Variants in CORO2B observed in about 807,000 individuals in gnomAD.
CORO2B encodes coronin-2B.
CORO2B carries 26 observed loss-of-function variants against 58.8 expected under a neutral mutation model. That is an observed-to-expected ratio of 0.44 (90% CI 0.32 to 0.61). CORO2B has a LOEUF of 0.61. CORO2B is among the 20% of genes least tolerant of loss of function. The pLI is 0.04. For synonymous variants in CORO2B, 242 were observed against 253.8 expected (o/e 0.95, Z 0.44); for missense variants, 460 against 645.1 (o/e 0.71, Z 3.11).
chr15:68,544,538 C>T, the CORO2B span, among the ~76,000 whole-genome samples: 6 of 152,190 alleles, frequency 3.9e-5, no homozygotes. Flanking sequence ...CTGCACCTTC[C>T]AGGATAAGAA....
rs1893330627 is a variant in CORO2B, at chr15:68,727,429, T to C, written c.*1455T>C. On this transcript the variant is annotated 3_prime_UTR_variant, in exon 12 of 12. Coordinates refer to ENST00000261861, the MANE Select transcript of CORO2B (RefSeq NM_006091.5). ...AACACTGTTCTCAGAAGAGTCACAG[T>C]TTGGGGTGAGATCTGGAAATCAAGA... 1 of 152,190 alleles carries C rather than the reference T, an allele frequency of 6.6e-6. No homozygotes were observed. The highest frequency in any genetic ancestry group is 2.1e-4 in the South Asian group (1 of 4,828). 9.4% of individuals were successfully genotyped at this position (152,190 alleles called of 1,614,324 possible). A position where few individuals can be genotyped will look rare whatever the true frequency, so the allele number is the denominator to read the frequency against.
chr15:68,687,877 C>T (rs914653822), intron 2 of CORO2B, among the ~76,000 whole-genome samples: 5 of 152,206 alleles, frequency 3.3e-5, no homozygotes, highest in Non-Finnish European at 5.9e-5. Context: ...AAGATAAAGA[C>T]ATTAATCCAT....
At chr15:68,676,900 T>C (rs1367304345) in intron 2 of CORO2B, among the ~76,000 whole-genome samples, 4 of 152,078 alleles carry the variant, frequency 2.6e-5, no homozygotes, top group Non-Finnish European at 5.9e-5. Context: ...CCTCCCCAAG[T>C]AGCTGGGACC....
chr15:68,548,683 G>A, the CORO2B span, among the ~76,000 whole-genome samples: 1 of 152,140 alleles, frequency 6.6e-6, no homozygotes. Flanking sequence ...ACTCCTCCCA[G>A]CAGCATATGA....
chr15:68,621,933 T>C (rs1007194990), intron 1 of CORO2B, among the ~76,000 whole-genome samples: 1 of 151,934 alleles, frequency 6.6e-6, no homozygotes, highest in Non-Finnish European at 1.5e-5. Context: ...ATTTTTCTGA[T>C]TTTCTTATTA....
At chr15:68,635,398 CAGA>C (rs905943369) in intron 1 of CORO2B, among the ~76,000 whole-genome samples, 1 of 152,218 alleles carries the variant, frequency 6.6e-6, no homozygotes, top group African/African-American at 2.4e-5. Flanking sequence ...ACACAGAACT[CAGA>C]AGCCCAGTGG....
In CORO2B at chr15:68,719,424, A is replaced by G. The variant is rs1893110460; in HGVS notation, c.1183A>G (p.Met395Val). ...LGGINRDPVL[M>V]SLKEGYKKSS... ...CTTGCCTTCTTTAGATCCCGTGCTGATGTCTTTGAAAGAAGGCTATAAGAA... is the reference window on the plus strand; with the variant it reads ...CTTGCCTTCTTTAGATCCCGTGCTGGTGTCTTTGAAAGAAGGCTATAAGAA... Residue 395 changes from methionine to valine, a missense_variant, in exon 11 of 12, where the codon ATG becomes GTG. This residue lies in a region of CORO2B where 352 missense variants were observed against 543.0 expected (regional missense o/e 0.65). Coordinates refer to ENST00000261861, the MANE Select transcript of CORO2B (RefSeq NM_006091.5). 6.2e-7 allele frequency: 1 copy of G among 1,613,950 alleles called. No individual in the cohort carries two copies. The highest frequency in any genetic ancestry group is 8.5e-7 in the Non-Finnish European group (1 of 1,179,958).
At position 68,695,128 on chromosome 15, in the gene CORO2B, T is replaced by C; in HGVS notation, c.217-12T>C. ...TAATCTCCTTCTCTCTCTCTCTCTT[T>C]CTCCTCTGCAGACAGGCAGGATTGA... On this transcript the variant is annotated splice_polypyrimidine_tract_variant and intron_variant, in intron 2 of 11. Transcript: ENST00000261861. The C allele has an allele frequency of 6.2e-7, 1 of 1,605,476 alleles. No homozygotes were observed. The highest frequency in any genetic ancestry group is 1.3e-5 in the African/African-American group (1 of 74,820).
intron 11 of CORO2B, among the ~76,000 whole-genome samples, chr15:68,720,656 G>A (rs902002309): frequency 6.6e-6 from 1 of 152,138 alleles, no homozygotes; most frequent in Non-Finnish European, 1.5e-5. Flanking sequence ...CCTGCCACGT[G>A]GACTCCTCCA....
At chr15:68,658,446 C>T (rs1901900493) in intron 2 of CORO2B, among the ~76,000 whole-genome samples, 1 of 152,258 alleles carries the variant, frequency 6.6e-6, no homozygotes, top group Non-Finnish European at 1.5e-5. Flanking sequence ...GGGCCTAGGC[C>T]AGATAACAAC....
intron 1 of CORO2B, among the ~76,000 whole-genome samples, chr15:68,634,753 G>A (rs1489462381): frequency 6.6e-6 from 1 of 152,204 alleles, no homozygotes; most frequent in Non-Finnish European, 1.5e-5. Context: ...CTGCAAGTTT[G>A]AGAAGCACTG....
intron 1 of CORO2B, chr15:68,632,413 T>C: frequency 3.0e-6 from 3 of 985,440 alleles, no homozygotes; most frequent in Non-Finnish European, 3.6e-6. Context: ...GACAGGACTC[T>C]TCATTTGCTA....
chr15:68,520,794 C>T, the CORO2B span, among the ~76,000 whole-genome samples: 1 of 152,156 alleles, frequency 6.6e-6, no homozygotes. Context: ...GCTTGTAATC[C>T]CAGCACTTTG....
At chr15:68,693,619 A>G (rs1195210477) in intron 2 of CORO2B, among the ~76,000 whole-genome samples, 4 of 152,156 alleles carry the variant, frequency 2.6e-5, no homozygotes, top group Non-Finnish European at 4.4e-5. Context: ...TGTAGCCGCT[A>G]AACATGGAAC....
chr15:68,651,191 CA>C (rs1427776359), intron 2 of CORO2B, among the ~76,000 whole-genome samples: 3 of 152,160 alleles, frequency 2.0e-5, no homozygotes, highest in African/African-American at 7.2e-5. Context: ...GTCCCGCCTC[CA>C]AAGCGGGATG....
At chr15:68,557,519 CAAGGTCATACATCTGGAA>C in the CORO2B span, among the ~76,000 whole-genome samples, 1 of 152,226 alleles carries the variant, frequency 6.6e-6, no homozygotes, top group Admixed American at 6.5e-5. Flanking sequence ...CCAGTCTATC[CAAGGTCATACATCTGGAA>C]AATGGCAGTG....
the CORO2B span, among the ~76,000 whole-genome samples, chr15:68,529,072 C>T: frequency 6.6e-6 from 1 of 152,218 alleles, no homozygotes; most frequent in East Asian, 1.9e-4. Context: ...ATCTCTGACA[C>T]TCCAATGTTT....
rs560926196 is a variant in CORO2B at position 68,612,072 on chromosome 15, C to T, written c.15+32795C>T. On this transcript the variant is annotated intron_variant, in intron 1 of 11. Coordinates refer to ENST00000261861, the MANE Select transcript of CORO2B (RefSeq NM_006091.5). ...AGGCAGGAGCCACTGCACCCGGCCT[C>T]AACTTTCTACTTTCAAGAAGCATCC... Among the ~76,000 whole-genome samples, 157 of 152,338 alleles carry T rather than the reference C, an allele frequency of 1.0e-3. 1 individual carries two copies. The highest frequency in any genetic ancestry group is 5.4e-3 in the South Asian group (26 of 4,826).
chr15:68,599,863 T>C (rs111824791), intron 1 of CORO2B, among the ~76,000 whole-genome samples: 2,246 of 152,316 alleles, frequency 0.015, 55 homozygotes, highest in African/African-American at 0.052. Context: ...TCAGGGACTA[T>C]TAGCCAGGCT....
Sources: allele counts gnomAD v4.1 joint callset (sites outside exome capture counted in the v4.1 genomes callset), GRCh38; gene constraint gnomAD v4.1.1; regional missense constraint gnomAD v4.1.1; transcripts MANE v1.5; gene names NCBI Gene and HGNC (gene_info 2026-07-23, HGNC 2026-07-21).